CDH12: variants seen among roughly 807,000 people sequenced by gnomAD.
The protein encoded by CDH12 is cadherin-12.
CDH12 carries 41 observed loss-of-function variants against 74.1 expected under a neutral mutation model. That is an observed-to-expected ratio of 0.55 (90% CI 0.43 to 0.72). The LOEUF (loss-of-function observed/expected upper bound fraction) is 0.72. Among genes scored for constraint, CDH12 ranks in the 30% least tolerant of loss-of-function variants. The pLI is 0.00. For missense variants in CDH12, 945 were observed against 977.2 expected, an observed-to-expected ratio of 0.97 and a Z score of 0.44; for synonymous variants, 399 against 355.0, an observed-to-expected ratio of 1.12 and a Z score of -1.39.
At chr5:22,107,298 A>C (rs1580260957) in intron 4 of CDH12, among the ~76,000 whole-genome samples, 1 of 151,292 alleles carries the variant, frequency 6.6e-6, no homozygotes, top group African/African-American at 2.4e-5. Context: ...TGCCTGGCTA[A>C]TTTTTTTATT....
chr5:21,894,857 T>C (rs1405104951), intron 6 of CDH12, among the ~76,000 whole-genome samples: 1 of 152,152 alleles, frequency 6.6e-6, no homozygotes, highest in African/African-American at 2.4e-5. Flanking sequence ...ACCTTGTGAC[T>C]GCTCCTCAGC....
chr5:22,349,986 A>G (rs1004483173), intron 3 of CDH12, among the ~76,000 whole-genome samples: 1 of 152,220 alleles, frequency 6.6e-6, no homozygotes, highest in Non-Finnish European at 1.5e-5. Context: ...TTTTGGGAGC[A>G]ACAGTGGGCT....
At chr5:21,994,272 G>C (rs1429564837) in intron 5 of CDH12, among the ~76,000 whole-genome samples, 1 of 151,460 alleles carries the variant, frequency 6.6e-6, no homozygotes, top group Admixed American at 6.6e-5. Flanking sequence ...GGAGAAAATA[G>C]AGACTACACA....
At chr5:22,585,326 T>G (rs186175143) in intron 1 of CDH12, among the ~76,000 whole-genome samples, 1 of 152,164 alleles carries the variant, frequency 6.6e-6, no homozygotes, top group Non-Finnish European at 1.5e-5. Context: ...AGATTTTCTT[T>G]TTGTCTTTGA....
At chr5:22,297,862 G>T (rs1434359520) in intron 3 of CDH12, among the ~76,000 whole-genome samples, 2 of 151,926 alleles carry the variant, frequency 1.3e-5, no homozygotes, top group Non-Finnish European at 2.9e-5. Flanking sequence ...TACATTTTCA[G>T]AAATTTAAAT....
At chr5:22,188,657 T>A (rs1395972772) in intron 4 of CDH12, among the ~76,000 whole-genome samples, 2 of 152,224 alleles carry the variant, frequency 1.3e-5, no homozygotes, top group African/African-American at 4.8e-5. Flanking sequence ...AAATGTCCTG[T>A]GCCTATTAGC....
At chr5:22,645,654 G>A (rs909427568) in intron 1 of CDH12, among the ~76,000 whole-genome samples, 1 of 151,966 alleles carries the variant, frequency 6.6e-6, no homozygotes, top group African/African-American at 2.4e-5. Context: ...TCATCAAATA[G>A]CATCATATGC....
intron 1 of CDH12, among the ~76,000 whole-genome samples, chr5:22,672,172 G>A (rs959217102): frequency 3.1e-5 from 4 of 128,546 alleles, no homozygotes; most frequent in Non-Finnish European, 6.6e-5. Flanking sequence ...TATATGTATA[G>A]GATATTTATA....
intron 5 of CDH12, among the ~76,000 whole-genome samples, chr5:22,047,537 C>G (rs1740043047): frequency 6.6e-6 from 1 of 151,382 alleles, no homozygotes; most frequent in African/African-American, 2.4e-5. Flanking sequence ...CCCCCCCCCA[C>G]ATCCATTGCC....
Position 21,975,297 on chromosome 5 carries a change from G to A in CDH12, c.320C>T (p.Thr107Ile), listed in dbSNP as rs755047544. The part of the protein sequence containing the change: ...GAGTVFTIDE[T>I]TGDIHAIRSL... ...CCTTATTGCATGAATGTCCCCTGTG[G>A]TTTCATCAATGGTAAAAACGGTGCC... The change falls in exon 6 of 15, where the codon ACC becomes ATC. Residue 107 changes from threonine (T) to isoleucine (I), a missense_variant. Transcript: ENST00000382254. 1.9e-6 allele frequency: 3 copies of A among 1,596,870 alleles called. No individual in the cohort carries two copies. The highest frequency in any genetic ancestry group is 1.7e-5 in the Admixed American group (1 of 59,954).
At chr5:21,940,332 T>A (rs1216119899) in intron 6 of CDH12, among the ~76,000 whole-genome samples, 1 of 152,216 alleles carries the variant, frequency 6.6e-6, no homozygotes, top group East Asian at 1.9e-4. Flanking sequence ...TGGATATCAT[T>A]CTGGAGGGTG....
Position 22,625,422 on chromosome 5 carries a change from C to A in CDH12, c.-522-120058G>T, listed in dbSNP as rs145407659. ...AGACCTCTGGAATTCTGGTGCACAACCCACGATCCCATGGACACTTAAGCT... is the reference window on the plus strand; with the variant it reads ...AGACCTCTGGAATTCTGGTGCACAAACCACGATCCCATGGACACTTAAGCT... On this transcript the variant is annotated intron_variant, in intron 1 of 14. Coordinates refer to ENST00000382254, the MANE Select transcript of CDH12 (RefSeq NM_004061.5). 1.1e-4 allele frequency among the ~76,000 whole-genome samples: 17 copies of A among 152,254 alleles called. No individual in the cohort carries two copies. The East Asian group carries it at 3.3e-3, about 29-fold the overall frequency.
chr5:21,889,946 C>A, intron 6 of CDH12: 2 of 586,954 alleles, frequency 3.4e-6, no homozygotes, highest in African/African-American at 4.0e-5. Context: ...GGTAAAAAAA[C>A]ATCAGCTGTA....
chr5:22,170,021 T>A (rs1344613877), intron 4 of CDH12, among the ~76,000 whole-genome samples: 1 of 151,910 alleles, frequency 6.6e-6, no homozygotes, highest in Non-Finnish European at 1.5e-5. Context: ...ACCACTACAA[T>A]TTTATTTGCC....
intron 5 of CDH12, among the ~76,000 whole-genome samples, chr5:22,047,468 C>T (rs1446800986): frequency 6.6e-6 from 1 of 152,000 alleles, no homozygotes; most frequent in Admixed American, 6.6e-5. Context: ...CTGTTTAGGT[C>T]TCCATACCTA....
rs539488918 is a variant in CDH12 at position 22,193,751 on chromosome 5, C to T, written c.-187+18747G>A. Reference sequence around the variant, plus strand: ...AGTTGTTTTATAGAAGAAAAACCCACGAGGGTTGCTGAGTCATCAGACTCC... The same window carrying T: ...AGTTGTTTTATAGAAGAAAAACCCATGAGGGTTGCTGAGTCATCAGACTCC... On this transcript the variant is annotated intron_variant, in intron 4 of 14. Coordinates refer to ENST00000382254, the MANE Select transcript of CDH12 (RefSeq NM_004061.5). 7.9e-5 allele frequency among the ~76,000 whole-genome samples: 12 copies of T among 151,772 alleles called. No individual in the cohort carries two copies. In the South Asian group the frequency reaches 1.9e-3, roughly 24 times the overall value.
At chr5:22,353,748 T>A (rs929241203) in intron 3 of CDH12, among the ~76,000 whole-genome samples, 5 of 152,130 alleles carry the variant, frequency 3.3e-5, no homozygotes, top group Non-Finnish European at 7.3e-5. Flanking sequence ...TTTTTCTTCA[T>A]CTCAATTTTT....
intron 1 of CDH12, among the ~76,000 whole-genome samples, chr5:22,752,266 GA>G (rs1446403981): frequency 1.3e-5 from 2 of 151,508 alleles, no homozygotes; most frequent in Admixed American, 1.3e-4. Context: ...TTTTAATATG[GA>G]AAAATTATAA....
chr5:21,765,379 C>T (rs1379670398), intron 11 of CDH12, among the ~76,000 whole-genome samples: 1 of 152,030 alleles, frequency 6.6e-6, no homozygotes, highest in African/African-American at 2.4e-5. Flanking sequence ...GGTTAGTTCA[C>T]AGAACCAATC....
Sources: allele counts gnomAD v4.1 joint callset (sites outside exome capture counted in the v4.1 genomes callset), GRCh38; gene constraint gnomAD v4.1.1; transcripts MANE v1.5; gene names NCBI Gene and HGNC (gene_info 2026-07-23, HGNC 2026-07-21).